The following PLPP3 variants were observed in gnomAD, a reference collection of about 807,000 sequenced individuals.
The protein encoded by PLPP3 is PAP2 beta.
A neutral mutation model predicts 29.6 loss-of-function variants in PLPP3; 6 were observed. The observed-to-expected ratio is 0.20, with a 90% CI of 0.11 to 0.40. PLPP3 has a LOEUF of 0.40. Among genes scored for constraint, PLPP3 ranks in the 10% least tolerant of loss-of-function variants. The probability of loss-of-function intolerance (pLI) is 1.00; values close to 1 mark genes in which losing one functional copy is unlikely to be tolerated. For synonymous variants in PLPP3, 152 were observed against 159.7 expected, an observed-to-expected ratio of 0.95 and a Z score of 0.36; for missense variants, 308 against 407.7, an observed-to-expected ratio of 0.76 and a Z score of 2.11.
intron 1 of PLPP3, among the ~76,000 whole-genome samples, chr1:56,556,994 GAA>G (rs1196034561): frequency 0.037 from 278 of 7,606 alleles, 49 homozygotes; most frequent in African/African-American, 0.085. Flanking sequence ...AAGAAAGAAA[GAA>G]AGAAAGAAAG....
intron 1 of PLPP3, among the ~76,000 whole-genome samples, chr1:56,555,577 C>G (rs1176855475): frequency 2.0e-5 from 3 of 151,726 alleles, no homozygotes; most frequent in Non-Finnish European, 4.4e-5. Context: ...GTCCAATTAC[C>G]AGGGAATTAT....
chr1:56,501,391 C>T (rs1645667022), intron 5 of PLPP3, among the ~76,000 whole-genome samples: 1 of 151,998 alleles, frequency 6.6e-6, no homozygotes, highest in South Asian at 2.1e-4. Context: ...GAGTGATTGC[C>T]CCCCACGCCA....
rs1646085318 is a variant in PLPP3, at chr1:56,557,026, A to AGAGAAAG, written c.140-19915_140-19914insCTTTCTC. Among the ~76,000 whole-genome samples the AGAGAAAG allele has an allele frequency of 4.6e-3, 44 of 9,528 alleles. 12 individuals are homozygous for AGAGAAAG. The highest frequency in any genetic ancestry group is 0.011 in the African/African-American group (43 of 4,032). The allele number at this position is 9,528 out of a possible 152,430, so 6.3% of individuals were successfully genotyped here. A position where few individuals can be genotyped will look rare whatever the true frequency, so the allele number is the denominator to read the frequency against. On this transcript the variant is annotated intron_variant, in intron 1 of 5. Transcript: ENST00000371250. ...AGAAAGAAAGAGAGAGAGAGAGAGA[A>AGAGAAAG]AGAGAGAGAGAGAGAGAGAGAGAGA...
At chr1:56,567,255 C>CA (rs1386465214) in intron 1 of PLPP3, among the ~76,000 whole-genome samples, 1 of 152,086 alleles carries the variant, frequency 6.6e-6, no homozygotes, top group African/African-American at 2.4e-5. Flanking sequence ...TAAACTGATT[C>CA]AAAACGTGTT....
At chr1:56,519,499 G>A (rs2100242638) in intron 4 of PLPP3, among the ~76,000 whole-genome samples, 1 of 152,242 alleles carries the variant, frequency 6.6e-6, no homozygotes, top group South Asian at 2.1e-4. Context: ...CCCTCACTAA[G>A]CATATACCAA....
intron 1 of PLPP3, among the ~76,000 whole-genome samples, chr1:56,566,202 C>G (rs989566926): frequency 6.6e-6 from 1 of 152,210 alleles, no homozygotes; most frequent in Non-Finnish European, 1.5e-5. Context: ...TAGTCCAACT[C>G]ATTTTGGACG....
At chr1:56,512,275 T>C in intron 4 of PLPP3, 123 bp from the exon 5 acceptor site, 2 of 926,736 alleles carry the variant, frequency 2.2e-6, no homozygotes. Context: ...GGTGGCATGT[T>C]GTAGATACAG....
intron 1 of PLPP3, among the ~76,000 whole-genome samples, chr1:56,555,433 T>TAAAAAAAAAAAAAAAAAAAAAAAAA (rs66593221): frequency 5.1e-4 from 17 of 33,212 alleles, no homozygotes; most frequent in African/African-American, 1.1e-3. Context: ...GGCCAAACAC[T>TAAAAAAAAAAAAAAAAAAAAAAAAA]AAAAAAAAAA....
In PLPP3 at chr1:56,528,212, T is replaced by C. The variant is rs142691665; in HGVS notation, c.298-3658A>G. Among the ~76,000 whole-genome samples the C allele has an allele frequency of 2.7e-4, 41 of 152,178 alleles. 1 individual carries two copies. In the East Asian group the frequency reaches 7.6e-3, roughly 28 times the overall value. On this transcript the variant is annotated intron_variant, in intron 2 of 5. Coordinates refer to ENST00000371250, the MANE Select transcript of PLPP3 (RefSeq NM_003713.5). ...GCACAGAATCTGGAAACTAATAAAA[T>C]GGGAAAGCATTGCAATTAAGCTACA... is the stretch of plus-strand genomic sequence containing the variant.
chr1:56,546,844 G>A (rs1231264985), intron 1 of PLPP3, among the ~76,000 whole-genome samples: 2 of 152,156 alleles, frequency 1.3e-5, no homozygotes, highest in Non-Finnish European at 2.9e-5. Context: ...AAGATACAGT[G>A]GACCCAACTT....
chr1:56,577,389 C>T (rs1001362735), intron 1 of PLPP3, among the ~76,000 whole-genome samples: 3 of 152,296 alleles, frequency 2.0e-5, no homozygotes, highest in Non-Finnish European at 2.9e-5. Flanking sequence ...GCCACCTGAA[C>T]TACAGTGACT....
rs555847611 is a variant in PLPP3 at position 56,548,773 on chromosome 1, C to T, written c.140-11661G>A. Among the ~76,000 whole-genome samples the T allele has an allele frequency of 3.9e-5, 6 of 152,254 alleles. No individual in the cohort carries two copies. The South Asian group carries it at 1.2e-3, about 32-fold the overall frequency. On this transcript the variant is annotated intron_variant, in intron 1 of 5. Coordinates refer to ENST00000371250, the MANE Select transcript of PLPP3 (RefSeq NM_003713.5). ...ATGCCCTCAGCACATGACCTGGCAGCCAGCTGGCATGCAATACCTATTTAC... is the reference window on the plus strand; with the variant it reads ...ATGCCCTCAGCACATGACCTGGCAGTCAGCTGGCATGCAATACCTATTTAC...
intron 1 of PLPP3, among the ~76,000 whole-genome samples, chr1:56,557,008 AAG>A (rs776934339): frequency 2.2e-4 from 3 of 13,736 alleles, no homozygotes; most frequent in South Asian, 2.0e-3. Context: ...GAAAGAAAGA[AAG>A]AGAGAGAGAG....
rs1645740450 is a variant in PLPP3 at position 56,511,380 on chromosome 1, G to A, written c.810+596C>T. ...CTAGGAAGTCTGTGACTCGATGTAC[G>A]AGGGCCTCAGGCTGAGAGAGGGCTC... On this transcript the variant is annotated intron_variant, in intron 5 of 5. Transcript: ENST00000371250. Among the ~76,000 whole-genome samples the A allele has an allele frequency of 2.6e-5, 4 of 152,162 alleles. 1 individual carries two copies. The South Asian group carries it at 6.2e-4, about 24-fold the overall frequency.
chr1:56,561,229 A>ATT (rs199550312), intron 1 of PLPP3, among the ~76,000 whole-genome samples: 10 of 147,244 alleles, frequency 6.8e-5, no homozygotes, highest in African/African-American at 1.5e-4. Flanking sequence ...GTAGGTTAGA[A>ATT]TTTTTTTTTT....
At chr1:56,530,709 C>T (rs975067334) in intron 2 of PLPP3, among the ~76,000 whole-genome samples, 2 of 152,212 alleles carry the variant, frequency 1.3e-5, no homozygotes, top group African/African-American at 2.4e-5. Flanking sequence ...TTAAAATACT[C>T]TCATCAACCT....
At chr1:56,573,104 T>C (rs1346047565) in intron 1 of PLPP3, among the ~76,000 whole-genome samples, 1 of 152,230 alleles carries the variant, frequency 6.6e-6, no homozygotes, top group Non-Finnish European at 1.5e-5. Context: ...TGCTTCACCT[T>C]GCACTCATGC....
chr1:56,529,085 T>C (rs1645870559), intron 2 of PLPP3, among the ~76,000 whole-genome samples: 2 of 152,026 alleles, frequency 1.3e-5, no homozygotes, highest in African/African-American at 4.8e-5. Context: ...GGCTTAGTAC[T>C]TTACAGCTTT....
chr1:56,532,670 T>G (rs1645897689), intron 2 of PLPP3, among the ~76,000 whole-genome samples: 1 of 152,194 alleles, frequency 6.6e-6, no homozygotes, highest in Admixed American at 6.5e-5. Flanking sequence ...CATTTTCCCC[T>G]GCTCTGTGAA....
Sources: allele counts gnomAD v4.1 joint callset (sites outside exome capture counted in the v4.1 genomes callset), GRCh38; gene constraint gnomAD v4.1.1; transcripts MANE v1.5; gene names NCBI Gene and HGNC (gene_info 2026-07-23, HGNC 2026-07-21).